Variants in TARS1 observed in about 807,000 individuals in gnomAD.
TARS1 encodes the protein threonyl-tRNA synthetase 1, also known as threonine--tRNA ligase 1, cytoplasmic.
TARS1 carries 57 observed loss-of-function variants against 97.7 expected under a neutral mutation model. That is an observed-to-expected ratio of 0.58 (90% CI 0.47 to 0.73). TARS1 has a LOEUF of 0.73. TARS1 is among the 30% of genes least tolerant of loss of function. The pLI is 0.00. For synonymous variants in TARS1, 312 were observed against 293.7 expected, an observed-to-expected ratio of 1.06 and a Z score of -0.64; for missense variants, 806 against 888.3, an observed-to-expected ratio of 0.91 and a Z score of 1.18.
chr5:33,454,585 G>A (rs1171299362), intron 4 of TARS1, among the ~76,000 whole-genome samples: 1 of 152,206 alleles, frequency 6.6e-6, no homozygotes, highest in Admixed American at 6.5e-5. Context: ...GGTGCTGTGG[G>A]CACATTGACT....
In TARS1 at chr5:33,445,372, A is replaced by C; in HGVS notation, c.106A>C (p.Lys36Gln). ...KQKEGGKKKN[K>Q]EGSGDGGRAE... is the part of the protein sequence containing the mutation. ...AAAGGAAGGAGGCAAAAAGAAGAAC[A>C]AAGAAGGATCTGGAGATGGAGGTCG... The change falls in exon 2 of 19, where the codon AAA becomes CAA. Residue 36 changes from lysine (K) to glutamine (Q), a missense_variant. Coordinates refer to ENST00000265112, the MANE Select transcript of TARS1 (RefSeq NM_152295.5). 6.2e-7 allele frequency: 1 copy of C among 1,613,432 alleles called. No homozygotes were observed. Among genetic ancestry groups the C allele is most frequent in the Non-Finnish European group, 8.5e-7 (1 of 1,179,510 alleles).
intron 1 of TARS1, among the ~76,000 whole-genome samples, chr5:33,444,252 G>A (rs1191239682): frequency 1.3e-5 from 2 of 152,368 alleles, no homozygotes; most frequent in South Asian, 2.1e-4. Context: ...AGGGTCTGGA[G>A]ATGAAGGCAA....
rs1742249738 is a variant in TARS1, at chr5:33,460,728, TG to T, written c.1251-173del. ...GTTCATTGAGTTATAACTTATTTGC[TG>T]TTTTATTCATGCAAGTGCTTTTACT... On this transcript the variant is annotated intron_variant, in intron 11 of 18. Transcript: ENST00000265112. Among the ~76,000 whole-genome samples, 5 of 152,396 alleles carry T rather than the reference TG, an allele frequency of 3.3e-5. No homozygotes were observed. In the South Asian group the frequency reaches 1.0e-3, roughly 32 times the overall value.
chr5:33,448,481 C>G (rs1311675540), intron 2 of TARS1, 60 bp from the exon 3 acceptor site: 1 of 1,338,242 alleles, frequency 7.5e-7, no homozygotes, highest in African/African-American at 1.5e-5. Context: ...TTTCCCATTT[C>G]TAAATAGGAA....
chr5:33,461,369 C>T (rs1192917542), intron 13 of TARS1, 74 bp downstream of exon 13: 2 of 1,536,376 alleles, frequency 1.3e-6, no homozygotes. Context: ...GAAAGCCAAG[C>T]CTCTTTAAAT....
Position 33,458,639 on chromosome 5 carries a change from A to G in TARS1, c.1058A>G (p.Tyr353Cys). 5 of 1,613,438 alleles carry G rather than the reference A, an allele frequency of 3.1e-6. No homozygotes were observed. Among genetic ancestry groups the G allele is most frequent in the Non-Finnish European group, 4.2e-6 (5 of 1,179,616 alleles). Residue 353 changes from tyrosine to cysteine, a missense_variant, in exon 10 of 19, where the codon TAT becomes TGT. Tyr to Cys is a radical substitution (Grantham distance 194). This residue lies in a region of TARS1 where 446 missense variants were observed against 511.0 expected (regional missense o/e 0.87). Coordinates refer to ENST00000265112, the MANE Select transcript of TARS1 (RefSeq NM_152295.5). Reference protein sequence around the residue: ...CFFLPKGAYIYNALIEFIRSE... With the variant: ...CFFLPKGAYICNALIEFIRSE... ...TTTCTGCCAAAAGGAGCCTACATTT[A>G]TAATGCACTTATTGAATTCATTAGG... is the stretch of plus-strand genomic sequence containing the variant.
intron 10 of TARS1, 27 bp downstream of exon 10, chr5:33,458,691 T>C (rs1361048672): frequency 6.5e-7 from 1 of 1,546,042 alleles, no homozygotes; most frequent in Non-Finnish European, 8.9e-7. Context: ...GCTTTCTTCT[T>C]TAGATTTAGG....
intron 16 of TARS1, 33 bp downstream of exon 16, chr5:33,462,236 A>T: frequency 6.4e-7 from 1 of 1,569,448 alleles, no homozygotes; most frequent in Non-Finnish European, 8.7e-7. Context: ...TTTTCTGATT[A>T]GTATAAATTG....
intron 10 of TARS1, among the ~76,000 whole-genome samples, chr5:33,459,256 C>T (rs1210220280): frequency 6.6e-6 from 1 of 152,032 alleles, no homozygotes; most frequent in East Asian, 1.9e-4. Flanking sequence ...TCTTTTTGTC[C>T]ATGTTACTTA....
chr5:33,446,834 G>A, intron 2 of TARS1: 1 of 976,516 alleles, frequency 1.0e-6, no homozygotes, highest in Non-Finnish European at 1.4e-6. Context: ...GAGGGGTTCA[G>A]ATTATGGTTG....
rs918142907 is a variant in TARS1 at position 33,441,014 on chromosome 5, C to T, written c.-73C>T. ...GGCCAAGTCCCGGGCGCTAGCCCACCTCCCACCCGCCTCTTGGCTCCTCTC... is the reference window on the plus strand; with the variant it reads ...GGCCAAGTCCCGGGCGCTAGCCCACTTCCCACCCGCCTCTTGGCTCCTCTC... On this transcript the variant is annotated 5_prime_UTR_variant, in exon 1 of 19. Coordinates refer to ENST00000265112, the MANE Select transcript of TARS1 (RefSeq NM_152295.5). 13 of 1,601,092 alleles carry T rather than the reference C, an allele frequency of 8.1e-6. No homozygotes were observed. The highest frequency in any genetic ancestry group is 4.4e-5 in the South Asian group (4 of 90,442).
chr5:33,466,324 T>A lies in TARS1; in HGVS notation c.1909-547T>A, dbSNP rs987858614. 6 of 152,180 alleles carry A rather than the reference T, an allele frequency of 3.9e-5. No individual in the cohort carries two copies. In the South Asian group the frequency reaches 1.0e-3, roughly 26 times the overall value. 9.4% of individuals were successfully genotyped at this position (152,180 alleles called of 1,614,324 possible). A position where few individuals can be genotyped will look rare whatever the true frequency, so the allele number is the denominator to read the frequency against. ...CATTGTTAATTTGTTCTAATCTAAA[T>A]TACTTTTAGACTATTAAATATTATT... On this transcript the variant is annotated intron_variant, in intron 17 of 18. Coordinates refer to ENST00000265112, the MANE Select transcript of TARS1 (RefSeq NM_152295.5).
chr5:33,456,360 T>A, intron 8 of TARS1, 133 bp downstream of exon 8: 6 of 728,600 alleles, frequency 8.2e-6, no homozygotes, highest in Non-Finnish European at 1.1e-5. Context: ...CTCTATTAAC[T>A]GGGAGCTGTA....
Position 33,441,458 on chromosome 5 carries a change from G to A in TARS1, c.57+315G>A, listed in dbSNP as rs907274323. The A allele has an allele frequency of 1.3e-5, 4 of 316,894 alleles. No individual in the cohort carries two copies. In the East Asian group the frequency reaches 2.2e-4, roughly 17 times the overall value. 19.6% of individuals were successfully genotyped at this position (316,894 alleles called of 1,614,324 possible). A position where few individuals can be genotyped will look rare whatever the true frequency, so the allele number is the denominator to read the frequency against. ...CGCGGAGACAGAATCAGAATCTTAGGCTTGAGGCTTCCAAACTTGCGTTTA... is the reference window on the plus strand; with the variant it reads ...CGCGGAGACAGAATCAGAATCTTAGACTTGAGGCTTCCAAACTTGCGTTTA... On this transcript the variant is annotated intron_variant, in intron 1 of 18. Coordinates refer to ENST00000265112, the MANE Select transcript of TARS1 (RefSeq NM_152295.5).
In TARS1 at chr5:33,462,139, C is replaced by G. The variant is rs763619049; in HGVS notation, c.1771C>G (p.Arg591Gly). The G allele has an allele frequency of 3.7e-6, 6 of 1,613,038 alleles. No homozygotes were observed. The Admixed American group carries it at 5.0e-5, about 13-fold the overall frequency. ...TAAGAAAAGGCCAGTGATTGTTCATCGAGCCATCTTGGGATCAGTGGAAAG... is the reference window on the plus strand; with the variant it reads ...TAAGAAAAGGCCAGTGATTGTTCATGGAGCCATCTTGGGATCAGTGGAAAG... The part of the protein sequence containing the change: ...DDKKRPVIVH[R>G]AILGSVERMI... The change falls in exon 16 of 19, where the codon CGA (arginine) becomes GGA (glycine). Residue 591 changes from arginine to glycine, a missense_variant. Physicochemically the swap from Arg to Gly is moderately radical, Grantham distance 125 (BLOSUM62 -2). Coordinates refer to ENST00000265112, the MANE Select transcript of TARS1 (RefSeq NM_152295.5).
chr5:33,441,476 T>TG, intron 1 of TARS1: 1 of 263,084 alleles, frequency 3.8e-6, no homozygotes, highest in South Asian at 7.1e-5. Context: ...CTTCCAAACT[T>TG]GCGTTTATGG....
At chr5:33,456,288 C>CT (rs1015715376) in intron 8 of TARS1, 61 bp downstream of exon 8, 3 of 1,303,820 alleles carry the variant, frequency 2.3e-6, no homozygotes, top group Admixed American at 2.1e-5. Context: ...TATGTTTAAA[C>CT]TTTCACTGAT....
Position 33,441,042 on chromosome 5 carries a change from C to G in TARS1, c.-45C>G. The G allele has an allele frequency of 1.2e-6, 2 of 1,613,806 alleles. No homozygotes were observed. Among genetic ancestry groups the G allele is most frequent in the South Asian group, 2.2e-5 (2 of 91,056 alleles). The stretch of plus-strand genomic sequence containing the variant: ...CCACCCGCCTCTTGGCTCCTCTCCT[C>G]TAGGCCGTCGCTTTCGGGTTCTCTC... On this transcript the variant is annotated 5_prime_UTR_variant, in exon 1 of 19. Transcript: ENST00000265112.
rs1302882792 is a variant in TARS1 at position 33,440,987 on chromosome 5, G to A, written c.-100G>A. The A allele has an allele frequency of 2.0e-6, 3 of 1,494,808 alleles. No individual in the cohort carries two copies. In the African/African-American group the frequency reaches 4.2e-5, roughly 21 times the overall value. 92.6% of individuals were successfully genotyped at this position (1,494,808 alleles called of 1,614,324 possible). On this transcript the variant is annotated 5_prime_UTR_variant, in exon 1 of 19. Coordinates refer to ENST00000265112, the MANE Select transcript of TARS1 (RefSeq NM_152295.5). ...TTCGATTGCATCAGCTGGTCCAGCC[G>A]AGGCCAAGTCCCGGGCGCTAGCCCA... is the stretch of plus-strand genomic sequence containing the variant.
Sources: gnomAD v4.1 joint callset for allele counts (sites outside exome capture counted in the v4.1 genomes callset) on GRCh38, gnomAD v4.1.1 for gene constraint, gnomAD v4.1.1 regional missense constraint, MANE v1.5 for transcripts, NCBI Gene and HGNC (gene_info 2026-07-23, HGNC 2026-07-21) for gene names.